Variants in ASTN2 observed in about 807,000 individuals in gnomAD.
ASTN2 encodes the protein astrotactin 2.
A neutral mutation model predicts 139.8 loss-of-function variants in ASTN2; 54 were observed. That is an observed-to-expected ratio of 0.39 (90% CI 0.31 to 0.48). ASTN2 has a LOEUF of 0.48. Ranked by LOEUF, ASTN2 falls within the 20% of genes least tolerant of loss-of-function variation. ASTN2 has a pLI of 0.95. For missense variants in ASTN2, 1,565 were observed against 1,725.1 expected (o/e 0.91, Z 1.64); for synonymous variants, 756 against 719.5 (o/e 1.05, Z -0.81).
At chr9:117,171,827 G>T (rs1365529931) in intron 3 of ASTN2, among the ~76,000 whole-genome samples, 3 of 152,032 alleles carry the variant, frequency 2.0e-5, no homozygotes, top group Non-Finnish European at 4.4e-5. Flanking sequence ...AAATTACCGA[G>T]CCTTGGGCAC....
chr9:116,667,712 G>T (rs1389164058), intron 16 of ASTN2, among the ~76,000 whole-genome samples: 2 of 152,106 alleles, frequency 1.3e-5, no homozygotes, highest in African/African-American at 4.8e-5. Flanking sequence ...ATTCTTTCTT[G>T]TAAATGTGTG....
At chr9:116,948,841 G>T in intron 10 of ASTN2, among the ~76,000 whole-genome samples, 1 of 130,344 alleles carries the variant, frequency 7.7e-6, no homozygotes, top group South Asian at 2.6e-4. Flanking sequence ...CACCCAGGCT[G>T]GAGTGCAATG....
intron 10 of ASTN2, among the ~76,000 whole-genome samples, chr9:116,889,720 TACACACACACAC>T (rs9299242): frequency 0.14 from 18,867 of 136,512 alleles, 1,725 homozygotes; most frequent in East Asian, 0.36. Flanking sequence ...ACCTTGTCTC[TACACACACACAC>T]ACACACACAC....
intron 11 of ASTN2, among the ~76,000 whole-genome samples, chr9:116,838,725 C>A (rs1220396487): frequency 1.3e-5 from 2 of 152,072 alleles, no homozygotes; most frequent in African/African-American, 4.8e-5. Flanking sequence ...GCCACTGCGC[C>A]CTGCCTGGGC....
intron 3 of ASTN2, among the ~76,000 whole-genome samples, chr9:117,184,971 G>C (rs17310474): frequency 0.018 from 2,696 of 152,184 alleles, 47 homozygotes; most frequent in South Asian, 0.097. Context: ...ACTATTAAAA[G>C]CCAGCTTCAC....
chr9:117,010,273 C>G (rs1016807582), intron 6 of ASTN2, among the ~76,000 whole-genome samples: 1 of 151,956 alleles, frequency 6.6e-6, no homozygotes, highest in African/African-American at 2.4e-5. Context: ...GAAATAAGCC[C>G]AAGCAGAAAC....
intron 16 of ASTN2, among the ~76,000 whole-genome samples, chr9:116,721,564 C>T (rs1390501544): frequency 3.3e-5 from 5 of 152,116 alleles, no homozygotes; most frequent in African/African-American, 7.2e-5. Context: ...GGGAATGGCA[C>T]GGGAGCAGAG....
intron 1 of ASTN2, among the ~76,000 whole-genome samples, chr9:117,319,832 G>T (rs929507860): frequency 2.6e-5 from 4 of 151,684 alleles, no homozygotes; most frequent in African/African-American, 7.3e-5. Context: ...CAAGAGATCT[G>T]CACATGAAGG....
chr9:117,129,385 T>G (rs571921194), intron 4 of ASTN2, among the ~76,000 whole-genome samples: 1 of 152,300 alleles, frequency 6.6e-6, no homozygotes, highest in Non-Finnish European at 1.5e-5. Flanking sequence ...AAAATTAAAC[T>G]ACATCTAGCC....
intron 2 of ASTN2, among the ~76,000 whole-genome samples, chr9:117,218,886 A>T (rs1832420490): frequency 6.6e-6 from 1 of 152,216 alleles, no homozygotes; most frequent in African/African-American, 2.4e-5. Flanking sequence ...CTATAAAATC[A>T]GGTCATAGAC....
intron 4 of ASTN2, among the ~76,000 whole-genome samples, chr9:117,102,752 C>A (rs1209994900): frequency 6.6e-6 from 1 of 152,112 alleles, no homozygotes; most frequent in Non-Finnish European, 1.5e-5. Context: ...GAACTCCTGA[C>A]CTTAGATGAT....
At chr9:117,378,563 A>G (rs938234124) in intron 1 of ASTN2, among the ~76,000 whole-genome samples, 1 of 152,174 alleles carries the variant, frequency 6.6e-6, no homozygotes, top group Admixed American at 6.5e-5. Flanking sequence ...CTTTTCAACA[A>G]ACACATATCC....
intron 5 of ASTN2, 71 bp downstream of exon 5, chr9:117,095,973 A>G: frequency 6.9e-7 from 1 of 1,440,288 alleles, no homozygotes; most frequent in Non-Finnish European, 9.7e-7. Context: ...TTTGCTAGTG[A>G]ACACAAAATC....
chr9:117,324,888 A>C (rs1257530563), intron 1 of ASTN2, among the ~76,000 whole-genome samples: 1 of 152,046 alleles, frequency 6.6e-6, no homozygotes, highest in East Asian at 1.9e-4. Flanking sequence ...CTCTCTGTCT[A>C]CTCTACCCTC....
intron 1 of ASTN2, among the ~76,000 whole-genome samples, chr9:117,351,996 C>T (rs1406610447): frequency 6.6e-6 from 1 of 152,148 alleles, no homozygotes; most frequent in African/African-American, 2.4e-5. Context: ...GTAAACACCG[C>T]TTACTATTAA....
chr9:116,789,920 C>CTTTTTTTTTTTTTTTTTTTTTTT (rs57433960), intron 13 of ASTN2, among the ~76,000 whole-genome samples: 1 of 93,338 alleles, frequency 1.1e-5, no homozygotes, highest in African/African-American at 4.2e-5. Flanking sequence ...TTCTCTTTCT[C>CTTTTTTTTTTTTTTTTTTTTTTT]TTTTTTTTTT....
At chr9:117,151,202 C>G (rs1830319989) in intron 3 of ASTN2, among the ~76,000 whole-genome samples, 1 of 152,034 alleles carries the variant, frequency 6.6e-6, no homozygotes, top group African/African-American at 2.4e-5. Context: ...AATCTTAAAC[C>G]ATTAGTCATA....
At chr9:116,908,858 C>A (rs1291801452) in intron 10 of ASTN2, among the ~76,000 whole-genome samples, 1 of 152,048 alleles carries the variant, frequency 6.6e-6, no homozygotes, top group Non-Finnish European at 1.5e-5. Flanking sequence ...ATTCAGGAGA[C>A]CTGGGTGAAG....
At chr9:116,616,980 G>T (rs900495706) in intron 19 of ASTN2, among the ~76,000 whole-genome samples, 1 of 152,122 alleles carries the variant, frequency 6.6e-6, no homozygotes, top group Non-Finnish European at 1.5e-5. Flanking sequence ...AATTAACAAA[G>T]TTTGAAAGAT....
Sources: gnomAD v4.1 joint callset for allele counts (sites outside exome capture counted in the v4.1 genomes callset) on GRCh38, gnomAD v4.1.1 for gene constraint, MANE v1.5 for transcripts, NCBI Gene and HGNC (gene_info 2026-07-23, HGNC 2026-07-21) for gene names.